Variants in PXN observed in about 807,000 individuals in gnomAD.
PXN encodes the protein paxillin.
In PXN, 61 loss-of-function variants were observed where a neutral mutation model predicts 103.6. That is an observed-to-expected ratio of 0.59 (90% CI 0.48 to 0.73). The LOEUF is 0.73. Among genes scored for constraint, PXN ranks in the 30% least tolerant of loss-of-function variants. PXN has a pLI of 0.00. For synonymous variants in PXN, 562 were observed against 607.8 expected, an observed-to-expected ratio of 0.92 and a Z score of 1.11; for missense variants, 1,274 against 1,460.3, an observed-to-expected ratio of 0.87 and a Z score of 2.08.
At chr12:120,252,998 CAA>C (rs1254384939) in intron 1 of PXN, among the ~76,000 whole-genome samples, 11 of 49,798 alleles carry the variant, frequency 2.2e-4, no homozygotes, top group African/African-American at 2.8e-4. Context: ...GACTCTGTCT[CAA>C]AAAAAAAAAA....
In PXN at chr12:120,265,675, C is replaced by A. The variant is rs1174066972; in HGVS notation, c.-46G>T. The A allele has an allele frequency of 9.0e-6, 13 of 1,437,186 alleles. No homozygotes were observed. The highest frequency in any genetic ancestry group is 1.1e-5 in the Non-Finnish European group (12 of 1,096,944). 89.0% of individuals were successfully genotyped at this position (1,437,186 alleles called of 1,614,324 possible). On this transcript the variant is annotated 5_prime_UTR_variant, in exon 1 of 15. Transcript: ENST00000637617. The surrounding 1 kb of genome is among the most constrained non-coding windows in gnomAD (Gnocchi z 5.7). ...CTCAGGGTCGCGCTAGCTGCCCGTC[C>A]CGGGGCCGCTCGTCTATGCCCCGCA...
At chr12:120,242,860 G>A (rs542748731) in intron 1 of PXN, among the ~76,000 whole-genome samples, 10 of 149,396 alleles carry the variant, frequency 6.7e-5, no homozygotes, top group Admixed American at 5.3e-4. Context: ...CAGCCTGAGC[G>A]ACAGAGCGAG....
intron 1 of PXN, among the ~76,000 whole-genome samples, chr12:120,237,645 A>T (rs1203220810): frequency 2.0e-5 from 3 of 152,084 alleles, no homozygotes; most frequent in Non-Finnish European, 2.9e-5. Context: ...CTGCCCCCAG[A>T]GTGCTCCCCG....
chr12:120,234,726 G>C (rs143977564), intron 1 of PXN, among the ~76,000 whole-genome samples: 352 of 152,262 alleles, frequency 2.3e-3, no homozygotes, highest in African/African-American at 7.8e-3. Flanking sequence ...AGTTTACTCA[G>C]GCACCTCATA....
intron 7 of PXN, among the ~76,000 whole-genome samples, chr12:120,218,805 T>G (rs1400413160): frequency 2.0e-5 from 3 of 152,218 alleles, no homozygotes; most frequent in African/African-American, 7.2e-5. Context: ...CGGACAATCT[T>G]GATGGAAATT....
chr12:120,214,048 T>A lies in PXN; in HGVS notation c.2831-58A>T. 1 of 1,592,030 alleles carries A rather than the reference T, an allele frequency of 6.3e-7. No homozygotes were observed. Among genetic ancestry groups the A allele is most frequent in the Non-Finnish European group, 8.5e-7 (1 of 1,169,974 alleles). On this transcript the variant is annotated intron_variant, in intron 13 of 14. Transcript: ENST00000637617. The surrounding 1 kb of genome is among the most constrained non-coding windows in gnomAD (Gnocchi z 5.0). ...TTCCGGCTTCCAGAAGTGGAGCCAC[T>A]CTGACTCCAACCTCAGCAGCGTCTC... is the stretch of plus-strand genomic sequence containing the variant.
chr12:120,234,548 C>T (rs1888664668), intron 1 of PXN, among the ~76,000 whole-genome samples: 1 of 152,148 alleles, frequency 6.6e-6, no homozygotes, highest in African/African-American at 2.4e-5. Flanking sequence ...GGTCTGCTGT[C>T]GTTGGGAGCT....
rs1265371670 is a variant in PXN, at chr12:120,217,768, G to T, written c.1717-652C>A. On this transcript the variant is annotated intron_variant, in intron 7 of 14. Transcript: ENST00000637617. This position sits in a 1 kb window ranked among gnomAD's most constrained non-coding sequence, Gnocchi z 4.1. ...CTAATTTTTGTTGTTGTTGTTTTTT[G>T]TTTTTTTTTTTAGTAGAGATGGGGT... 9.8e-5 allele frequency among the ~76,000 whole-genome samples: 14 copies of T among 142,334 alleles called. No homozygotes were observed. Among genetic ancestry groups the T allele is most frequent in the African/African-American group, 3.3e-4 (13 of 38,938 alleles). 93.4% of individuals were successfully genotyped at this position (142,334 alleles called of 152,430 possible). A position where few individuals can be genotyped will look rare whatever the true frequency, so the allele number is the denominator to read the frequency against.
chr12:120,223,694 G>T, intron 3 of PXN, 24 bp downstream of exon 3: 1 of 1,518,336 alleles, frequency 6.6e-7, no homozygotes, highest in Non-Finnish European at 9.0e-7. Flanking sequence ...GAGGGAAGGT[G>T]CCCTGGGCAG....
chr12:120,215,956 G>T lies in PXN; in HGVS notation c.2302-295C>A. On this transcript the variant is annotated intron_variant, in intron 9 of 14. Transcript: ENST00000637617. The surrounding 1 kb of genome is among the most constrained non-coding windows in gnomAD (Gnocchi z 4.9). ...GGGCGCTGGGCCTGGGGGCTGGAAG[G>T]GAGGAGACAGGTTTCTGGTCTCCCT... The T allele has an allele frequency of 7.2e-7, 1 of 1,384,670 alleles. No homozygotes were observed. 85.8% of individuals were successfully genotyped at this position (1,384,670 alleles called of 1,614,324 possible).
chr12:120,234,374 A>G (rs999433898), intron 1 of PXN, among the ~76,000 whole-genome samples: 1 of 152,048 alleles, frequency 6.6e-6, no homozygotes, highest in Non-Finnish European at 1.5e-5. Flanking sequence ...GCGCCACTGC[A>G]CTCCAGCCTG....
intron 1 of PXN, among the ~76,000 whole-genome samples, chr12:120,255,067 C>T (rs760628475): frequency 1.8e-4 from 27 of 152,028 alleles, no homozygotes; most frequent in Non-Finnish European, 3.5e-4. Flanking sequence ...TCTGCTGGTG[C>T]GCAGACCGGA....
Position 120,215,457 on chromosome 12 carries a change from G to A in PXN, c.2403+103C>T. 6.8e-7 allele frequency: 1 copy of A among 1,474,930 alleles called. No homozygotes were observed. The highest frequency in any genetic ancestry group is 1.4e-5 in the South Asian group (1 of 73,556). 91.4% of individuals were successfully genotyped at this position (1,474,930 alleles called of 1,614,324 possible). On this transcript the variant is annotated intron_variant, in intron 10 of 14. Transcript: ENST00000637617. This position sits in a 1 kb window ranked among gnomAD's most constrained non-coding sequence, Gnocchi z 4.9. ...ACGTCAGCAGGACTCCTGGTGGTCG[G>A]AGGGGCCCACCAGGGTCGGAAAGGC...
intron 1 of PXN, chr12:120,226,904 C>A: frequency 1.0e-6 from 1 of 992,412 alleles, no homozygotes; most frequent in Non-Finnish European, 1.2e-6. Context: ...ACATCAGTTG[C>A]AAATATCAGG....
At position 120,214,416 on chromosome 12, in the gene PXN, A is replaced by G. The variant is rs1039293979; in HGVS notation, c.2749-199T>C. The stretch of plus-strand genomic sequence containing the variant: ...TCAGGATGGGACAAGCCAGACACAT[A>G]CCCTCTCCTCTACTCCTCACCCCAA... On this transcript the variant is annotated intron_variant, in intron 12 of 14. Transcript: ENST00000637617. The surrounding 1 kb of genome is among the most constrained non-coding windows in gnomAD (Gnocchi z 5.0). Among the ~76,000 whole-genome samples, 13 of 152,032 alleles carry G rather than the reference A, an allele frequency of 8.6e-5. No individual in the cohort carries two copies. The highest frequency in any genetic ancestry group is 3.1e-4 in the African/African-American group (13 of 41,376).
chr12:120,242,380 T>A (rs928836535), intron 1 of PXN, among the ~76,000 whole-genome samples: 1 of 151,966 alleles, frequency 6.6e-6, no homozygotes, highest in African/African-American at 2.4e-5. Flanking sequence ...GCCAGCCCCA[T>A]CTCTGACAGC....
At chr12:120,218,378 GTTT>G (rs1883963392) in intron 7 of PXN, among the ~76,000 whole-genome samples, 1 of 151,924 alleles carries the variant, frequency 6.6e-6, no homozygotes, top group African/African-American at 2.4e-5. Context: ...TTGTTGTTTT[GTTT>G]TTGTTTTTTG....
intron 1 of PXN, chr12:120,226,416 G>C (rs1417719370): frequency 7.0e-6 from 9 of 1,289,186 alleles, no homozygotes; most frequent in African/African-American, 4.5e-5. Flanking sequence ...TTCAGAGGCA[G>C]AGTCACATCC....
At position 120,224,279 on chromosome 12, in the gene PXN, G is replaced by C; in HGVS notation, c.112C>G (p.His38Asp). The change falls in exon 2 of 15, where the codon CAC becomes GAC. Residue 38 changes from histidine to aspartate, a missense_variant. Transcript: ENST00000637617. This position sits in a 1 kb window ranked among gnomAD's most constrained non-coding sequence, Gnocchi z 5.0. Reference sequence around the variant, plus strand: ...GGCACGGCAATCTCCTGGTATGTGTGGTTTCCAGTTGGGTATGAGTAGGGG... The same window carrying C: ...GGCACGGCAATCTCCTGGTATGTGTCGTTTCCAGTTGGGTATGAGTAGGGG... ...ETPYSYPTGN[H>D]TYQEIAVPPP... The C allele has an allele frequency of 6.2e-7, 1 of 1,613,874 alleles. No individual in the cohort carries two copies. Among genetic ancestry groups the C allele is most frequent in the Non-Finnish European group, 8.5e-7 (1 of 1,179,792 alleles).
Sources: gnomAD v4.1 joint callset for allele counts (sites outside exome capture counted in the v4.1 genomes callset) on GRCh38, gnomAD v4.1.1 for gene constraint, Gnocchi (gnomAD v3.1) non-coding constraint, MANE v1.5 for transcripts, NCBI Gene and HGNC (gene_info 2026-07-23, HGNC 2026-07-21) for gene names.